The following CLSPN variants were observed in gnomAD, a reference collection of about 807,000 sequenced individuals.
CLSPN encodes claspin homolog.
CLSPN carries 85 observed loss-of-function variants against 156.3 expected under a neutral mutation model. The ratio of observed to expected loss-of-function variants is 0.54; its 90% CI spans 0.46 to 0.65. CLSPN has a LOEUF of 0.65. Among genes scored for constraint, CLSPN ranks in the 30% least tolerant of loss-of-function variants. The pLI is 0.00. For synonymous variants in CLSPN, 534 were observed against 542.4 expected (o/e 0.98, Z 0.22); for missense variants, 1,407 against 1,554.9 (o/e 0.90, Z 1.60).
chr1:35,747,895 A>AG lies in CLSPN; in HGVS notation c.2627+11_2627+12insC, dbSNP rs771255298. On this transcript the variant is annotated intron_variant, in intron 14 of 24. Transcript: ENST00000318121. The stretch of plus-strand genomic sequence containing the variant: ...GCACCATTCCCGCCCACAGAAACAC[A>AG]AAACTACCTACCCATCTGCATCCAA... The AG allele has an allele frequency of 3.7e-6, 6 of 1,608,970 alleles. No homozygotes were observed. In the East Asian group the frequency reaches 1.3e-4, roughly 36 times the overall value.
intron 1 of CLSPN, among the ~76,000 whole-genome samples, chr1:35,766,744 A>G (rs1432205321): frequency 6.9e-6 from 1 of 144,372 alleles, no homozygotes; most frequent in East Asian, 2.1e-4. Context: ...ACGCCCGGCT[A>G]TATGTATATT....
chr1:35,742,047 A>G (rs1472058985), intron 18 of CLSPN, among the ~76,000 whole-genome samples: 1 of 147,490 alleles, frequency 6.8e-6, no homozygotes, highest in African/African-American at 2.5e-5. Flanking sequence ...TTTGGGAAGC[A>G]GAGGCAGGAG....
chr1:35,766,111 C>T (rs1642665379), intron 1 of CLSPN, among the ~76,000 whole-genome samples: 1 of 150,976 alleles, frequency 6.6e-6, no homozygotes, highest in South Asian at 2.1e-4. Flanking sequence ...TCTCCTGCCT[C>T]AGCCTCCTGA....
chr1:35,746,050 G>T lies in CLSPN; in HGVS notation c.2855-488C>A, dbSNP rs1262695088. Among the ~76,000 whole-genome samples the T allele has an allele frequency of 1.3e-5, 2 of 151,650 alleles. No individual in the cohort carries two copies. Among genetic ancestry groups the T allele is most frequent in the African/African-American group, 4.8e-5 (2 of 41,274 alleles). ...AACCTCCACCTCCGGGGTTCAAGCA[G>T]TTCTCCTGTCTCAGCCTCCCAAGTA... On this transcript the variant is annotated intron_variant, in intron 15 of 24. Coordinates refer to ENST00000318121, the MANE Select transcript of CLSPN (RefSeq NM_022111.4). This position sits in a 1 kb window ranked among gnomAD's most constrained non-coding sequence, Gnocchi z 4.2.
rs1642611219 is a variant in CLSPN at position 35,764,695 on chromosome 1, A to G, written c.153T>C (p.Phe51=). 6.3e-7 allele frequency: 1 copy of G among 1,577,062 alleles called. No individual in the cohort carries two copies. ...LSEGDSDEEI[F]VSKKLKNRKV... The stretch of plus-strand genomic sequence containing the variant: ...TCCTGTTTTTCAACTTCTTACTTAC[A>G]AATATCTCTTCATCTGAATCTGGAG... The change falls in exon 3 of 25, where the codon TTT becomes TTC. Residue 51 remains phenylalanine (F), a synonymous_variant. Transcript: ENST00000318121.
chr1:35,726,965 G>C (rs1008868175), intron 24 of CLSPN, among the ~76,000 whole-genome samples: 11 of 152,168 alleles, frequency 7.2e-5, no homozygotes, highest in Non-Finnish European at 1.0e-4. Context: ...AGTTGCCGGG[G>C]AAAAGGCTTC....
intron 8 of CLSPN, among the ~76,000 whole-genome samples, chr1:35,760,101 G>A (rs1470613029): frequency 5.3e-5 from 8 of 152,068 alleles, no homozygotes; most frequent in Admixed American, 5.2e-4. Flanking sequence ...CAAAGTGCTG[G>A]GATTACAGGC....
Position 35,746,938 on chromosome 1 carries a change from C to T in CLSPN, c.2682G>A (p.Leu894=). 1.2e-6 allele frequency: 2 copies of T among 1,614,190 alleles called. No individual in the cohort carries two copies. Among genetic ancestry groups the T allele is most frequent in the Non-Finnish European group, 1.7e-6 (2 of 1,180,022 alleles). ...CATTCTCATCCATACTGGCCAATGG[C>T]AATCGAGGCTTCAAAGCTTGGTACT... is the stretch of plus-strand genomic sequence containing the variant. The part of the protein sequence containing the change: ...RNQYQALKPR[L]PLASMDENAM... The change falls in exon 15 of 25, where the codon TTG becomes TTA. Residue 894 remains leucine (L), a synonymous_variant. Coordinates refer to ENST00000318121, the MANE Select transcript of CLSPN (RefSeq NM_022111.4). This position sits in a 1 kb window ranked among gnomAD's most constrained non-coding sequence, Gnocchi z 4.2.
chr1:35,741,126 C>T (rs1641675050), intron 18 of CLSPN, among the ~76,000 whole-genome samples: 1 of 151,270 alleles, frequency 6.6e-6, no homozygotes, highest in Non-Finnish European at 1.5e-5. Context: ...CTTTTTTTAA[C>T]ATCATAGGAA....
downstream of CLSPN, among the ~76,000 whole-genome samples, chr1:35,728,921 A>AACACACACACACACACAC (rs58348673): frequency 8.2e-5 from 7 of 85,138 alleles, no homozygotes; most frequent in Admixed American, 5.5e-4. Flanking sequence ...CCTCCCCTCA[A>AACACACACACACACACAC]ACACACACAC....
intron 24 of CLSPN, among the ~76,000 whole-genome samples, chr1:35,725,207 C>T (rs1641149287): frequency 6.6e-6 from 1 of 152,192 alleles, no homozygotes; most frequent in Non-Finnish European, 1.5e-5. Context: ...GAAATGAATC[C>T]TCCCCCTGTC....
Position 35,733,389 on chromosome 1 carries a change from A to C in CLSPN, c.*3107T>G, listed in dbSNP as rs1641368021. ...AGGCTGGTCTCGAACTCCTGAGTTC[A>C]AGCAATGCACCCACCTCAGTCTCCT... is the stretch of plus-strand genomic sequence containing the variant. On this transcript the variant is annotated 3_prime_UTR_variant, in exon 25 of 25. Coordinates refer to ENST00000318121, the MANE Select transcript of CLSPN (RefSeq NM_022111.4). 1.4e-6 allele frequency: 1 copy of C among 712,240 alleles called. No individual in the cohort carries two copies. Among genetic ancestry groups the C allele is most frequent in the Non-Finnish European group, 1.7e-6 (1 of 584,294 alleles). 44.1% of individuals were successfully genotyped at this position (712,240 alleles called of 1,614,324 possible). A position where few individuals can be genotyped will look rare whatever the true frequency, so the allele number is the denominator to read the frequency against.
In CLSPN at chr1:35,745,440, C is replaced by A; in HGVS notation, c.2966+11G>T. On this transcript the variant is annotated intron_variant, in intron 16 of 24. Coordinates refer to ENST00000318121, the MANE Select transcript of CLSPN (RefSeq NM_022111.4). ...CAGGCCTTCCCAAATTCCCAGCAAT[C>A]TGAGACTTACTTGTCTGTGGGAAAA... 6.3e-7 allele frequency: 1 copy of A among 1,589,110 alleles called. No homozygotes were observed. The highest frequency in any genetic ancestry group is 8.6e-7 in the Non-Finnish European group (1 of 1,157,822).
At chr1:35,763,648 G>C (rs1310418451) in intron 3 of CLSPN, among the ~76,000 whole-genome samples, 1 of 152,104 alleles carries the variant, frequency 6.6e-6, no homozygotes, top group Non-Finnish European at 1.5e-5. Flanking sequence ...GCATAAAAAA[G>C]CCTTCTTTCA....
chr1:35,755,716 T>C (rs1462798800), intron 8 of CLSPN, among the ~76,000 whole-genome samples: 1 of 152,062 alleles, frequency 6.6e-6, no homozygotes, highest in African/African-American at 2.4e-5. Context: ...CACTTTTCAT[T>C]TGTCTTTTTA....
At chr1:35,720,428 G>GACCCA (rs1231084133) in exon 25 of CLSPN, 1 of 146,380 alleles carries the variant, frequency 6.8e-6, no homozygotes, top group Non-Finnish European at 1.5e-5. Flanking sequence ...AGCCTGGGGT[G>GACCCA]ACCCAAATCC....
chr1:35,751,590 A>G, intron 9 of CLSPN, 84 bp from the exon 10 acceptor site: 3 of 1,493,850 alleles, frequency 2.0e-6, no homozygotes, highest in Non-Finnish European at 2.7e-6. Flanking sequence ...TATTCTAGTC[A>G]CATCCCAAAA....
At chr1:35,738,184 T>G in intron 21 of CLSPN, 87 bp from the exon 22 acceptor site, 1 of 674,678 alleles carries the variant, frequency 1.5e-6, no homozygotes, top group Non-Finnish European at 2.2e-6. Flanking sequence ...TAGCATGGCC[T>G]GGATTGTGAA....
At position 35,763,254 on chromosome 1, in the gene CLSPN, G is replaced by C; in HGVS notation, c.650C>G (p.Thr217Ser). 1 of 1,607,900 alleles carries C rather than the reference G, an allele frequency of 6.2e-7. No homozygotes were observed. The highest frequency in any genetic ancestry group is 8.5e-7 in the Non-Finnish European group (1 of 1,178,040). The change falls in exon 4 of 25, where the codon ACT (threonine) becomes AGT (serine). Residue 217 changes from threonine (T) to serine (S), a missense_variant. Thr to Ser is a moderately conservative substitution (Grantham distance 58). Around this residue, in one of 3 missense-constraint regions of CLSPN, gnomAD observed 1,096 missense variants for 1,193.0 expected, o/e 0.92. Coordinates refer to ENST00000318121, the MANE Select transcript of CLSPN (RefSeq NM_022111.4). Reference sequence around the variant, plus strand: ...AGAGTTATTTTCATCCTCCAACCCAGTTTCAAAAAGGTCTTTATCCACAAG... The same window carrying C: ...AGAGTTATTTTCATCCTCCAACCCACTTTCAAAAAGGTCTTTATCCACAAG... The part of the protein sequence containing the change: ...CLLVDKDLFE[T>S]GLEDENNSPL...
Sources: gnomAD v4.1 joint callset for allele counts (sites outside exome capture counted in the v4.1 genomes callset) on GRCh38, gnomAD v4.1.1 for gene constraint, gnomAD v4.1.1 regional missense constraint, Gnocchi (gnomAD v3.1) non-coding constraint, MANE v1.5 for transcripts, NCBI Gene and HGNC (gene_info 2026-07-23, HGNC 2026-07-21) for gene names.